The following HEATR5A variants were observed in gnomAD, a reference collection of about 807,000 sequenced individuals.
HEATR5A encodes the protein HEAT repeat-containing protein 5A.
HEATR5A carries 178 observed loss-of-function variants against 218.8 expected under a neutral mutation model. The observed-to-expected ratio is 0.81, with a 90% CI of 0.72 to 0.92. The LOEUF (loss-of-function observed/expected upper bound fraction) is 0.92. Ranked by LOEUF, HEATR5A falls within the 40% of genes least tolerant of loss-of-function variation. The pLI, the probability that HEATR5A is intolerant of heterozygous loss-of-function variation, is 0.00. For missense variants in HEATR5A, 2,420 were observed against 2,418.9 expected, an observed-to-expected ratio of 1.00 and a Z score of -0.01; for synonymous variants, 864 against 871.6, an observed-to-expected ratio of 0.99 and a Z score of 0.15.
At position 31,358,709 on chromosome 14, in the gene HEATR5A, G is replaced by C. The variant is rs1442436848; in HGVS notation, c.2339C>G (p.Pro780Arg). 6.2e-7 allele frequency: 1 copy of C among 1,613,870 alleles called. No individual in the cohort carries two copies. Among genetic ancestry groups the C allele is most frequent in the South Asian group, 1.1e-5 (1 of 91,080 alleles). Residue 780 changes from proline to arginine, a missense_variant, in exon 16 of 36, where the codon CCA becomes CGA. Coordinates refer to ENST00000543095, the MANE Select transcript of HEATR5A (RefSeq NM_015473.4). ...EGDSVPKPLPPALSVISSASK... is the reference protein window; with the variant it reads ...EGDSVPKPLPRALSVISSASK... ...TGCAGAACTAATAACTGATAGTGCTGGAGGTAAGGGCTTAGGCACTGAATC... is the reference window on the plus strand; with the variant it reads ...TGCAGAACTAATAACTGATAGTGCTCGAGGTAAGGGCTTAGGCACTGAATC...
At chr14:31,395,698 T>C (rs2030627863) in intron 4 of HEATR5A, among the ~76,000 whole-genome samples, 1 of 152,158 alleles carries the variant, frequency 6.6e-6, no homozygotes, top group African/African-American at 2.4e-5. Flanking sequence ...ATTTACTAGA[T>C]AGGACCTTGG....
At chr14:31,307,398 C>G (rs1168073266) in intron 30 of HEATR5A, among the ~76,000 whole-genome samples, 1 of 152,154 alleles carries the variant, frequency 6.6e-6, no homozygotes, top group East Asian at 1.9e-4. Flanking sequence ...CATGGCCACA[C>G]CCAAGTCAGA....
chr14:31,347,684 T>A (rs953382182), intron 19 of HEATR5A, 64 bp downstream of exon 19: 3 of 1,220,496 alleles, frequency 2.5e-6, no homozygotes, highest in Admixed American at 3.1e-5. Context: ...ATGTTCAATA[T>A]AAACACAATC....
rs2139163901 is a variant in HEATR5A at position 31,320,558 on chromosome 14, GAC to G, written c.3969+939_3969+940del. On this transcript the variant is annotated intron_variant, in intron 25 of 35. Transcript: ENST00000543095. ...CTCTGGGCTATTCAAGGAGAAGGCA[GAC>G]ACAGGCCTGATTAGACCCCTGGTAC... The G allele has an allele frequency of 2.2e-5, 20 of 910,936 alleles. 1 individual carries two copies. The South Asian group carries it at 2.6e-4, about 12-fold the overall frequency. The allele number at this position is 910,936 out of a possible 1,614,324, so 56.4% of individuals were successfully genotyped here.
Position 31,374,798 on chromosome 14 carries a change from A to G in HEATR5A, c.1861+18T>C. ...AAAAGCCAAAGGAAAGGGAGAGAAA[A>G]GACTAAATCCAACCTACCACACAGT... On this transcript the variant is annotated intron_variant, in intron 12 of 35. Transcript: ENST00000543095. 1 of 1,592,768 alleles carries G rather than the reference A, an allele frequency of 6.3e-7. No homozygotes were observed. The highest frequency in any genetic ancestry group is 8.5e-7 in the Non-Finnish European group (1 of 1,172,010).
At chr14:31,335,740 C>G (rs1401820672) in intron 22 of HEATR5A, among the ~76,000 whole-genome samples, 1 of 152,006 alleles carries the variant, frequency 6.6e-6, no homozygotes, top group Non-Finnish European at 1.5e-5. Context: ...TACAACCTCC[C>G]CCTCCTGGGT....
At chr14:31,325,214 C>G (rs924790138) in intron 23 of HEATR5A, among the ~76,000 whole-genome samples, 2 of 152,108 alleles carry the variant, frequency 1.3e-5, no homozygotes, top group Non-Finnish European at 2.9e-5. Flanking sequence ...TGGAAAATAA[C>G]TGGTTTTTCT....
At chr14:31,418,369 C>T (rs1272670734) in intron 1 of HEATR5A, among the ~76,000 whole-genome samples, 1 of 152,166 alleles carries the variant, frequency 6.6e-6, no homozygotes, top group Non-Finnish European at 1.5e-5. Context: ...CTTTGGGAGC[C>T]ATACGGTCTC....
In HEATR5A at chr14:31,295,917, C is replaced by A; in HGVS notation, c.5611G>T (p.Asp1871Tyr). Residue 1871 changes from aspartate to tyrosine, a missense_variant, in exon 34 of 36, where the codon GAT becomes TAT. Asp to Tyr is a radical substitution (Grantham distance 160, BLOSUM62 -3). Transcript: ENST00000543095. ...TGCTAAAAGACACTTACCACAGGAT[C>A]TTTTATCTCAAGAGTAGCTTTAAAT... The part of the protein sequence containing the change: ...DKFKATLEIK[D>Y]PVVQIKTYQL... 6.2e-7 allele frequency: 1 copy of A among 1,613,448 alleles called. No homozygotes were observed. Among genetic ancestry groups the A allele is most frequent in the African/African-American group, 1.3e-5 (1 of 75,024 alleles).
chr14:31,384,444 GAA>G (rs1194724680), intron 9 of HEATR5A, among the ~76,000 whole-genome samples: 13 of 112,778 alleles, frequency 1.2e-4, no homozygotes, highest in Non-Finnish European at 1.1e-4. Context: ...ACCCTGCCTT[GAA>G]AAAAAAAAAA....
chr14:31,379,172 T>C (rs1170812906), intron 11 of HEATR5A, among the ~76,000 whole-genome samples: 18 of 151,926 alleles, frequency 1.2e-4, no homozygotes, highest in Admixed American at 1.2e-3. Context: ...GGTCTTGAAC[T>C]CCTGACCTCA....
intron 1 of HEATR5A, among the ~76,000 whole-genome samples, chr14:31,405,761 A>G (rs899002187): frequency 6.6e-6 from 1 of 152,178 alleles, no homozygotes; most frequent in South Asian, 2.1e-4. Flanking sequence ...GAATCAAATT[A>G]CCCTTTCTAG....
At chr14:31,303,221 T>A (rs1308458117) in intron 32 of HEATR5A, among the ~76,000 whole-genome samples, 1 of 152,006 alleles carries the variant, frequency 6.6e-6, no homozygotes, top group East Asian at 1.9e-4. Context: ...GATCATGAGG[T>A]CAGGAGTTCG....
At chr14:31,399,282 T>C (rs1431847606) in intron 3 of HEATR5A, among the ~76,000 whole-genome samples, 4 of 152,174 alleles carry the variant, frequency 2.6e-5, no homozygotes, top group Non-Finnish European at 2.9e-5. Context: ...TGATTATACT[T>C]TCAATAATAA....
chr14:31,372,981 C>T (rs1315409333), intron 12 of HEATR5A, among the ~76,000 whole-genome samples: 1 of 150,732 alleles, frequency 6.6e-6, no homozygotes, highest in Non-Finnish European at 1.5e-5. Context: ...CACTGTTACC[C>T]AGGCTGGAAT....
At chr14:31,318,401 C>T (rs1899977500) in intron 25 of HEATR5A, 109 bp from the exon 26 acceptor site, 7 of 869,598 alleles carry the variant, frequency 8.0e-6, no homozygotes, top group Non-Finnish European at 1.3e-5. Context: ...GTATTATGGA[C>T]AGCTGTTGTT....
At chr14:31,404,226 T>C (rs755180115) in intron 1 of HEATR5A, among the ~76,000 whole-genome samples, 1 of 152,234 alleles carries the variant, frequency 6.6e-6, no homozygotes, top group South Asian at 2.1e-4. Flanking sequence ...GGTATTCCTA[T>C]TCACTAGTGT....
At chr14:31,339,310 C>T (rs763644862) in intron 21 of HEATR5A, among the ~76,000 whole-genome samples, 21 of 150,984 alleles carry the variant, frequency 1.4e-4, no homozygotes, top group Non-Finnish European at 2.1e-4. Context: ...ATTAGCTGGG[C>T]GTGGTGGCAC....
intron 1 of HEATR5A, among the ~76,000 whole-genome samples, chr14:31,404,923 A>G (rs997388133): frequency 6.6e-6 from 1 of 151,826 alleles, no homozygotes; most frequent in African/African-American, 2.4e-5. Flanking sequence ...AAATAAAAAA[A>G]AGAAAAAATC....
Sources: allele counts gnomAD v4.1 joint callset (sites outside exome capture counted in the v4.1 genomes callset), GRCh38; gene constraint gnomAD v4.1.1; transcripts MANE v1.5; gene names NCBI Gene and HGNC (gene_info 2026-07-23, HGNC 2026-07-21).